ITPK1: variants seen among roughly 807,000 people sequenced by gnomAD.
The protein encoded by ITPK1 is inositol 1,3,4-trisphosphate 5/6-kinase.
ITPK1 carries 21 observed loss-of-function variants against 45.3 expected under a neutral mutation model. The observed-to-expected ratio is 0.46, with a 90% confidence interval of 0.33 to 0.67. The LOEUF (loss-of-function observed/expected upper bound fraction) is 0.67, where lower values mean the gene tolerates loss of function less well. ITPK1 is among the 30% of genes least tolerant of loss of function. The pLI is 0.02. For synonymous variants in ITPK1, 258 were observed against 253.6 expected (o/e 1.02, Z -0.16); for missense variants, 474 against 573.5 (o/e 0.83, Z 1.77).
At chr14:93,056,873 T>C (rs1210005957) in intron 3 of ITPK1, among the ~76,000 whole-genome samples, 1 of 152,208 alleles carries the variant, frequency 6.6e-6, no homozygotes, top group Non-Finnish European at 1.5e-5. Context: ...ATTTCAGAAT[T>C]TGCCCCACTT....
intron 3 of ITPK1, among the ~76,000 whole-genome samples, chr14:93,028,735 T>C (rs1028353323): frequency 3.3e-5 from 5 of 152,200 alleles, no homozygotes; most frequent in African/African-American, 9.6e-5. Context: ...ACAGTTCCCA[T>C]TGGATCTCCC....
At chr14:93,052,647 C>T (rs1890062012) in intron 3 of ITPK1, among the ~76,000 whole-genome samples, 1 of 152,152 alleles carries the variant, frequency 6.6e-6, no homozygotes. Context: ...AGTTCGCCCC[C>T]AAGCCTCACC....
At chr14:93,114,156 C>A (rs1212357637) in intron 2 of ITPK1, among the ~76,000 whole-genome samples, 1 of 152,398 alleles carries the variant, frequency 6.6e-6, no homozygotes, top group East Asian at 1.9e-4. Flanking sequence ...GAGCTAGATT[C>A]TCTTAGGCTT....
intron 2 of ITPK1, among the ~76,000 whole-genome samples, chr14:93,087,896 C>T (rs35959775): frequency 0.2 from 30,544 of 152,032 alleles, 3,177 homozygotes; most frequent in South Asian, 0.33. Flanking sequence ...ATGGGAATGG[C>T]GGGAAAGAAG....
rs1300544874 is a variant in ITPK1, at chr14:92,984,076, A to G, written c.364+9804T>C. 3.3e-5 allele frequency among the ~76,000 whole-genome samples: 5 copies of G among 152,348 alleles called. No homozygotes were observed. In the East Asian group the frequency reaches 5.8e-4, roughly 18 times the overall value. On this transcript the variant is annotated intron_variant, in intron 5 of 10. Coordinates refer to ENST00000267615, the MANE Select transcript of ITPK1 (RefSeq NM_014216.6). ...CACTAGAGCCTACTGTAATGAAAAA[A>G]TAATACTAAAAGTGCACATGTATCT...
Position 92,941,300 on chromosome 14 carries a change from C to T in ITPK1, c.*261G>A, listed in dbSNP as rs190704881. ...CCAGACCTAGTGTTGCAAACACAAG[C>T]GTGTGTAAACTCAGTTAGGAGGTCT... is the stretch of plus-strand genomic sequence containing the variant. On this transcript the variant is annotated 3_prime_UTR_variant, in exon 11 of 11. Coordinates refer to ENST00000267615, the MANE Select transcript of ITPK1 (RefSeq NM_014216.6). The T allele has an allele frequency of 1.7e-4, 232 of 1,397,310 alleles. 1 individual carries two copies. The highest frequency in any genetic ancestry group is 7.7e-4 in the East Asian group (28 of 36,528). The allele number at this position is 1,397,310 out of a possible 1,614,324, so 86.6% of individuals were successfully genotyped here. A position where few individuals can be genotyped will look rare whatever the true frequency, so the allele number is the denominator to read the frequency against.
intron 5 of ITPK1, among the ~76,000 whole-genome samples, chr14:92,971,532 C>T (rs1210632431): frequency 2.0e-5 from 3 of 152,204 alleles, no homozygotes; most frequent in African/African-American, 7.2e-5. Context: ...TCACCTGGAC[C>T]GTCATACGCA....
chr14:93,077,722 C>T (rs1443185081), intron 2 of ITPK1, among the ~76,000 whole-genome samples: 2 of 152,162 alleles, frequency 1.3e-5, no homozygotes, highest in Non-Finnish European at 2.9e-5. Context: ...CCTCCCACCC[C>T]AGCCTTGAGG....
intron 8 of ITPK1, among the ~76,000 whole-genome samples, chr14:92,954,636 T>C (rs979280599): frequency 2.0e-5 from 3 of 152,076 alleles, no homozygotes; most frequent in African/African-American, 7.2e-5. Flanking sequence ...AAAAAATAGG[T>C]TTAAAAGAAG....
intron 3 of ITPK1, among the ~76,000 whole-genome samples, chr14:93,030,494 T>G (rs1159963537): frequency 6.6e-6 from 1 of 152,162 alleles, no homozygotes; most frequent in Non-Finnish European, 1.5e-5. Context: ...ACAGAGTAAG[T>G]TTGTGCCTAG....
intron 3 of ITPK1, among the ~76,000 whole-genome samples, chr14:93,073,609 T>C (rs1891107541): frequency 6.6e-6 from 1 of 152,218 alleles, no homozygotes; most frequent in African/African-American, 2.4e-5. Flanking sequence ...TCCTGACCCT[T>C]GGCCCCAACA....
rs533178640 is a variant in ITPK1 at position 93,097,852 on chromosome 14, T to C, written c.95+17217A>G. ...GGTGAAACCCTGTCTCTACTACAAG[T>C]ACAAAAATTAGCCAGGCATGGTGGC... is the stretch of plus-strand genomic sequence containing the variant. On this transcript the variant is annotated intron_variant, in intron 2 of 10. Transcript: ENST00000267615. 4.0e-5 allele frequency among the ~76,000 whole-genome samples: 6 copies of C among 151,832 alleles called. No individual in the cohort carries two copies. In the South Asian group the frequency reaches 1.3e-3, roughly 32 times the overall value.
At chr14:93,105,823 C>T (rs1354989820) in intron 2 of ITPK1, among the ~76,000 whole-genome samples, 1 of 151,852 alleles carries the variant, frequency 6.6e-6, no homozygotes, top group Non-Finnish European at 1.5e-5. Context: ...CCTGCCTCAG[C>T]CTCCCGAGCA....
chr14:93,099,369 A>C (rs921304537), intron 2 of ITPK1, among the ~76,000 whole-genome samples: 1 of 152,192 alleles, frequency 6.6e-6, no homozygotes, highest in South Asian at 2.1e-4. Context: ...CAACAGGCTA[A>C]TTGTGTTTAC....
chr14:92,992,769 C>T (rs1476949382), intron 5 of ITPK1, among the ~76,000 whole-genome samples: 1 of 152,258 alleles, frequency 6.6e-6, no homozygotes, highest in Admixed American at 6.5e-5. Context: ...TCAGACAGAC[C>T]TGGCTGGATG....
chr14:93,040,999 A>C (rs1889538366), intron 3 of ITPK1, among the ~76,000 whole-genome samples: 1 of 152,218 alleles, frequency 6.6e-6, no homozygotes, highest in Non-Finnish European at 1.5e-5. Flanking sequence ...AGCTCAGAGC[A>C]GAAGTGTAAC....
chr14:92,996,692 G>T (rs964254234), intron 4 of ITPK1, among the ~76,000 whole-genome samples: 1 of 152,080 alleles, frequency 6.6e-6, no homozygotes, highest in African/African-American at 2.4e-5. Flanking sequence ...GCTTCACCCC[G>T]CCAGATCTAT....
At chr14:93,110,196 T>C (rs986730202) in intron 2 of ITPK1, among the ~76,000 whole-genome samples, 1 of 152,110 alleles carries the variant, frequency 6.6e-6, no homozygotes, top group African/African-American at 2.4e-5. Flanking sequence ...CGCTTCCTCC[T>C]ATGTGAAGTT....
intron 8 of ITPK1, among the ~76,000 whole-genome samples, chr14:92,955,929 T>C (rs1317176455): frequency 6.6e-6 from 1 of 152,132 alleles, no homozygotes; most frequent in Non-Finnish European, 1.5e-5. Flanking sequence ...ACACTTCTTA[T>C]CCAGAAAGAG....
Sources: allele counts gnomAD v4.1 joint callset (sites outside exome capture counted in the v4.1 genomes callset), GRCh38; gene constraint gnomAD v4.1.1; transcripts MANE v1.5; gene names NCBI Gene and HGNC (gene_info 2026-07-23, HGNC 2026-07-21).